Variants in C4BPA observed in about 807,000 individuals in gnomAD.
The protein encoded by C4BPA is C4b-binding protein alpha chain.
Under a neutral mutation model 63.7 loss-of-function variants are expected in C4BPA, and 31 were observed. The ratio of observed to expected loss-of-function variants is 0.49; its 90% CI spans 0.37 to 0.66. The LOEUF is 0.66. C4BPA is among the 30% of genes least tolerant of loss of function. The probability of loss-of-function intolerance (pLI) is 0.00; values close to 1 mark genes in which losing one functional copy is unlikely to be tolerated. For synonymous variants in C4BPA, 259 were observed against 254.7 expected, an observed-to-expected ratio of 1.02 and a Z score of -0.16; for missense variants, 572 against 723.3, an observed-to-expected ratio of 0.79 and a Z score of 2.40.
intron 11 of C4BPA, 26 bp downstream of exon 11, chr1:207,144,019 C>G: frequency 2.0e-6 from 3 of 1,531,292 alleles, no homozygotes; most frequent in Non-Finnish European, 1.8e-6. Flanking sequence ...CAAGGAAGTT[C>G]TGTGCTGTCG....
In C4BPA at chr1:207,141,258, C is replaced by G. The variant is rs780734395; in HGVS notation, c.1426C>G (p.Pro476Ala). The G allele has an allele frequency of 5.0e-6, 8 of 1,613,160 alleles. No homozygotes were observed. The highest frequency in any genetic ancestry group is 6.8e-6 in the Non-Finnish European group (8 of 1,179,710). Reference protein sequence around the residue: ...LSCSYSHWSAPAPQCKALCRK... With the variant: ...LSCSYSHWSAAAPQCKALCRK... Reference sequence around the variant, plus strand: ...CTGCAGTTATTCACACTGGTCAGCTCCAGCCCCTCAATGTAAAGGTAACTC... The same window carrying G: ...CTGCAGTTATTCACACTGGTCAGCTGCAGCCCCTCAATGTAAAGGTAACTC... The change falls in exon 10 of 12, where the codon CCA becomes GCA. Residue 476 changes from proline to alanine, a missense_variant. Physicochemically the swap from Pro to Ala is conservative, Grantham distance 27. Around this residue, in one of 2 missense-constraint regions of C4BPA, gnomAD observed 465 missense variants for 629.4 expected, o/e 0.74. Transcript: ENST00000367070.
chr1:207,113,223 A>G (rs1253868214), intron 2 of C4BPA, 56 bp downstream of exon 2: 5 of 1,570,506 alleles, frequency 3.2e-6, no homozygotes, highest in Non-Finnish European at 4.3e-6. Flanking sequence ...TCATCTGTGC[A>G]TTCACTTTTA....
chr1:207,137,600 T>C (rs2102360535), intron 9 of C4BPA, among the ~76,000 whole-genome samples: 1 of 149,838 alleles, frequency 6.7e-6, no homozygotes, highest in South Asian at 2.1e-4. Flanking sequence ...TGTTTTGTTT[T>C]GTTTTGTTTT....
At chr1:207,141,742 G>C (rs1157392555) in intron 10 of C4BPA, among the ~76,000 whole-genome samples, 1 of 152,126 alleles carries the variant, frequency 6.6e-6, no homozygotes, top group African/African-American at 2.4e-5. Context: ...AGGGGTCAGG[G>C]AGGGTGAAGG....
intron 11 of C4BPA, 95 bp downstream of exon 11, chr1:207,144,088 G>A (rs1685480702): frequency 3.5e-6 from 3 of 865,676 alleles, no homozygotes; most frequent in Non-Finnish European, 5.1e-6. Flanking sequence ...GGTGAAATCT[G>A]ACTTGTCAGG....
intron 9 of C4BPA, among the ~76,000 whole-genome samples, chr1:207,140,224 C>T (rs2102364685): frequency 6.6e-6 from 1 of 152,296 alleles, no homozygotes; most frequent in South Asian, 2.1e-4. Flanking sequence ...CAGGGAATTC[C>T]TTATAGCTTT....
chr1:207,124,646 A>G (rs756637385), intron 6 of C4BPA, among the ~76,000 whole-genome samples: 7 of 152,228 alleles, frequency 4.6e-5, no homozygotes, highest in Non-Finnish European at 8.8e-5. Context: ...TCTCATTTAC[A>G]CTGAGTTTGT....
At chr1:207,135,255 T>C (rs1301314577) in intron 9 of C4BPA, among the ~76,000 whole-genome samples, 2 of 152,128 alleles carry the variant, frequency 1.3e-5, no homozygotes, top group African/African-American at 2.4e-5. Context: ...GGAGAATCAC[T>C]TGACCTCGGG....
intron 1 of C4BPA, 57 bp from the exon 2 acceptor site, chr1:207,112,944 T>G (rs188952001): frequency 1.4e-6 from 2 of 1,450,090 alleles, no homozygotes; most frequent in East Asian, 4.8e-5. Context: ...TTTATTCTAG[T>G]GCTTTATGAC....
intron 1 of C4BPA, among the ~76,000 whole-genome samples, chr1:207,108,163 C>G (rs1022090351): frequency 6.6e-6 from 1 of 152,040 alleles, no homozygotes; most frequent in Non-Finnish European, 1.5e-5. Flanking sequence ...AATGAGAAAT[C>G]TAACAGAGTC....
At chr1:207,129,810 G>A (rs1397660962) in intron 7 of C4BPA, among the ~76,000 whole-genome samples, 1 of 151,984 alleles carries the variant, frequency 6.6e-6, no homozygotes, top group Non-Finnish European at 1.5e-5. Flanking sequence ...TTTTATAGTA[G>A]CTGAGAGAAG....
At chr1:207,109,413 C>A (rs986173181) in intron 1 of C4BPA, among the ~76,000 whole-genome samples, 4 of 152,246 alleles carry the variant, frequency 2.6e-5, no homozygotes, top group Non-Finnish European at 5.9e-5. Context: ...GCTGTCCACA[C>A]ACCATGCCAA....
chr1:207,116,472 A>T (rs1429294057), intron 4 of C4BPA, among the ~76,000 whole-genome samples: 2 of 148,558 alleles, frequency 1.3e-5, no homozygotes, highest in Non-Finnish European at 3.0e-5. Context: ...CTTGATTCTG[A>T]TATATACTGT....
chr1:207,113,147 C>A lies in C4BPA; in HGVS notation c.122C>A (p.Ala41Asp). The A allele has an allele frequency of 6.2e-7, 1 of 1,611,014 alleles. No individual in the cohort carries two copies. The highest frequency in any genetic ancestry group is 8.5e-7 in the Non-Finnish European group (1 of 1,178,882). The part of the protein sequence containing the change: ...PILFQMTLIA[A>D]LLPAVLGNCG... ...CTCTTCCAAATGACCTTGATCGCTG[C>A]TCTGTTGCCTGCTGTTCTTGGTGAG... The change falls in exon 2 of 12, where the codon GCT becomes GAT. Residue 41 changes from alanine (A) to aspartate (D), a missense_variant. Coordinates refer to ENST00000367070, the MANE Select transcript of C4BPA (RefSeq NM_000715.4).
At chr1:207,112,461 C>G (rs557641635) in intron 1 of C4BPA, among the ~76,000 whole-genome samples, 35 of 151,086 alleles carry the variant, frequency 2.3e-4, no homozygotes, top group African/African-American at 3.9e-4. Flanking sequence ...CTGTTTCTTT[C>G]CTCTAATCCC....
chr1:207,106,267 G>A (rs1391948851), intron 1 of C4BPA, among the ~76,000 whole-genome samples: 1 of 152,050 alleles, frequency 6.6e-6, no homozygotes, highest in Non-Finnish European at 1.5e-5. Flanking sequence ...GGTTTGTTAG[G>A]GAAGTCTAGT....
intron 1 of C4BPA, among the ~76,000 whole-genome samples, chr1:207,107,316 G>A (rs751333315): frequency 3.0e-4 from 45 of 152,204 alleles, no homozygotes; most frequent in Non-Finnish European, 5.9e-4. Flanking sequence ...GGGAGGCCGA[G>A]GTGGGAGGTT....
intron 11 of C4BPA, 131 bp downstream of exon 11, chr1:207,144,124 A>G (rs2102372018): frequency 1.5e-6 from 1 of 648,208 alleles, no homozygotes; most frequent in Admixed American, 3.7e-5. Flanking sequence ...ACTCCCACTC[A>G]AAGAAACTCT....
At position 207,113,045 on chromosome 1, in the gene C4BPA, C is replaced by G; in HGVS notation, c.20C>G (p.Pro7Arg). 6.2e-7 allele frequency: 1 copy of G among 1,600,490 alleles called. No homozygotes were observed. The highest frequency in any genetic ancestry group is 8.5e-7 in the Non-Finnish European group (1 of 1,175,904). The change falls in exon 2 of 12, where the codon CCA (proline) becomes CGA (arginine). Residue 7 changes from proline (P) to arginine (R), a missense_variant. This residue lies in a region of C4BPA where 107 missense variants were observed against 93.9 expected (regional missense o/e 1.14). Transcript: ENST00000367070. ...CAGGCCATGCACCCCCCAAAAACTC[C>G]ATCTGGGGCTCTTCATAGAAAAAGG... The part of the protein sequence containing the change: MHPPKT[P>R]SGALHRKRKM...
Sources: allele counts gnomAD v4.1 joint callset (sites outside exome capture counted in the v4.1 genomes callset), GRCh38; gene constraint gnomAD v4.1.1; regional missense constraint gnomAD v4.1.1; transcripts MANE v1.5; gene names NCBI Gene and HGNC (gene_info 2026-07-23, HGNC 2026-07-21).